Variants in CNTN6 observed in about 807,000 individuals in gnomAD.
CNTN6 encodes contactin 6.
A neutral mutation model predicts 122.8 loss-of-function variants in CNTN6; 137 were observed. The ratio of observed to expected loss-of-function variants is 1.12; its 90% CI spans 0.97 to 1.29. The LOEUF (loss-of-function observed/expected upper bound fraction) is 1.29. Among genes scored for constraint, CNTN6 ranks in the 50% most tolerant of loss-of-function variants. The probability of loss-of-function intolerance (pLI) is 0.00; values close to 1 mark genes in which losing one functional copy is unlikely to be tolerated. For synonymous variants in CNTN6, 570 were observed against 426.0 expected (o/e 1.34, Z -4.16); for missense variants, 1,634 against 1,223.4 (o/e 1.34, Z -5.01).
At chr3:1,377,552 A>G (rs11709136) in intron 17 of CNTN6, among the ~76,000 whole-genome samples, 1,861 of 152,296 alleles carry the variant, frequency 0.012, 18 homozygotes, top group Non-Finnish European at 0.021. Context: ...CCATTAACAT[A>G]CAGGCTCATT....
At chr3:1,375,478 T>A (rs1292727957) in intron 16 of CNTN6, among the ~76,000 whole-genome samples, 1 of 152,104 alleles carries the variant, frequency 6.6e-6, no homozygotes, top group East Asian at 1.9e-4. Context: ...TAAGTACAAT[T>A]AATTTAAAAT....
At chr3:1,262,827 T>C (rs1011804879) in intron 4 of CNTN6, among the ~76,000 whole-genome samples, 1 of 152,042 alleles carries the variant, frequency 6.6e-6, no homozygotes, top group Non-Finnish European at 1.5e-5. Flanking sequence ...TACTGTACAA[T>C]ATGCTTGTAT....
chr3:1,354,167 C>A (rs1329709341), intron 12 of CNTN6, among the ~76,000 whole-genome samples: 2 of 151,310 alleles, frequency 1.3e-5, no homozygotes, highest in Non-Finnish European at 3.0e-5. Context: ...ACTCGGAAGC[C>A]ACTGGACTGC....
chr3:1,373,747 C>A lies in CNTN6; in HGVS notation c.1930C>A (p.Gln644Lys), dbSNP rs748448232. ...QTRTPFSVGW[Q>K]AVATVPEILN... ...TCGGACACCATTTTCTGTGGGTTGG[C>A]AGGCTGTTGCTACAGGTGAGTGACA... The change falls in exon 15 of 23, where the codon CAG (glutamine) becomes AAG (lysine). Residue 644 changes from glutamine (Q) to lysine (K), a missense_variant. By Grantham distance (53) the Gln-to-Lys change is moderately conservative (BLOSUM62 1). Transcript: ENST00000446702. 16 of 1,608,454 alleles carry A rather than the reference C, an allele frequency of 9.9e-6. No homozygotes were observed. The highest frequency in any genetic ancestry group is 2.2e-5 in the South Asian group (2 of 89,984).
chr3:1,221,028 T>C (rs1159342247), intron 3 of CNTN6, among the ~76,000 whole-genome samples: 2 of 152,122 alleles, frequency 1.3e-5, no homozygotes, highest in Non-Finnish European at 2.9e-5. Context: ...CAGGCAATAA[T>C]TAACCCCCTA....
chr3:1,377,801 G>T (rs921719032), intron 17 of CNTN6, among the ~76,000 whole-genome samples: 6 of 152,164 alleles, frequency 3.9e-5, no homozygotes, highest in African/African-American at 1.4e-4. Flanking sequence ...GCTGTAGAAG[G>T]TTGGTGTTGG....
intron 4 of CNTN6, among the ~76,000 whole-genome samples, chr3:1,247,763 G>T (rs866309598): frequency 6.6e-6 from 1 of 152,210 alleles, no homozygotes; most frequent in Middle Eastern, 3.4e-3. Flanking sequence ...TGCAATGCTG[G>T]CTTTTTTATG....
chr3:1,106,703 T>C lies in CNTN6; in HGVS notation c.-83+13583T>C, dbSNP rs183099150. On this transcript the variant is annotated intron_variant, in intron 1 of 22. Transcript: ENST00000446702. ...CTTGACTGTTACTTTTATATCAGGT[T>C]ATAAGTAATGTTGGCTAGACGTCTA... Among the ~76,000 whole-genome samples, 3 of 152,270 alleles carry C rather than the reference T, an allele frequency of 2.0e-5. No homozygotes were observed. The East Asian group carries it at 5.8e-4, about 29-fold the overall frequency.
chr3:1,350,079 TGTA>T (rs1174774647), intron 11 of CNTN6, among the ~76,000 whole-genome samples: 2 of 151,910 alleles, frequency 1.3e-5, no homozygotes, highest in Non-Finnish European at 2.9e-5. Context: ...ATAAGTAAGA[TGTA>T]GTCTTACTTT....
At chr3:1,288,931 T>C (rs1694813559) in intron 5 of CNTN6, among the ~76,000 whole-genome samples, 1 of 152,110 alleles carries the variant, frequency 6.6e-6, no homozygotes, top group Non-Finnish European at 1.5e-5. Context: ...ATAATAAAAT[T>C]GTAGAGGACG....
At chr3:1,376,603 G>T (rs115323504) in intron 16 of CNTN6, among the ~76,000 whole-genome samples, 174 of 151,552 alleles carry the variant, frequency 1.1e-3, no homozygotes, top group African/African-American at 4.0e-3. Context: ...GGAAAAATTA[G>T]TTTAGTTTGT....
chr3:1,373,106 G>A (rs921749507), intron 14 of CNTN6, 151 bp downstream of exon 14: 4 of 555,000 alleles, frequency 7.2e-6, no homozygotes, highest in African/African-American at 3.9e-5. Flanking sequence ...GGACTCCATG[G>A]TATGGGTAGT....
At chr3:1,186,879 A>G (rs1192493177) in intron 2 of CNTN6, among the ~76,000 whole-genome samples, 1 of 151,866 alleles carries the variant, frequency 6.6e-6, no homozygotes, top group Non-Finnish European at 1.5e-5. Flanking sequence ...TGCCCTTGAC[A>G]GTATGATTCC....
intron 4 of CNTN6, among the ~76,000 whole-genome samples, chr3:1,273,073 A>T (rs1415833294): frequency 5.9e-5 from 9 of 152,086 alleles, no homozygotes; most frequent in Non-Finnish European, 1.0e-4. Context: ...ATTTTTGCTT[A>T]TACTCCTGCC....
chr3:1,373,750 G>T lies in CNTN6; in HGVS notation c.1933G>T (p.Ala645Ser). 6.2e-7 allele frequency: 1 copy of T among 1,608,396 alleles called. No individual in the cohort carries two copies. The change falls in exon 15 of 23, where the codon GCT becomes TCT. Residue 645 changes from alanine to serine, a missense_variant. Coordinates refer to ENST00000446702, the MANE Select transcript of CNTN6 (RefSeq NM_001289080.2). ...TRTPFSVGWQ[A>S]VATVPEILNG... Reference sequence around the variant, plus strand: ...GACACCATTTTCTGTGGGTTGGCAGGCTGTTGCTACAGGTGAGTGACAAAA... The same window carrying T: ...GACACCATTTTCTGTGGGTTGGCAGTCTGTTGCTACAGGTGAGTGACAAAA...
At chr3:1,398,866 C>G (rs1695305492) in intron 20 of CNTN6, among the ~76,000 whole-genome samples, 1 of 152,084 alleles carries the variant, frequency 6.6e-6, no homozygotes, top group South Asian at 2.1e-4. Context: ...TACCAAGGTA[C>G]TCACTCCGAA....
At chr3:1,143,898 G>A (rs1188056852) in intron 1 of CNTN6, among the ~76,000 whole-genome samples, 1 of 152,152 alleles carries the variant, frequency 6.6e-6, no homozygotes, top group African/African-American at 2.4e-5. Context: ...GTGACTTCTA[G>A]GTCAAACCCT....
chr3:1,125,068 G>A (rs954683137), intron 1 of CNTN6, among the ~76,000 whole-genome samples: 1 of 151,834 alleles, frequency 6.6e-6, no homozygotes, highest in Non-Finnish European at 1.5e-5. Context: ...AAATTTTTCT[G>A]TATCTGGAAC....
intron 4 of CNTN6, among the ~76,000 whole-genome samples, chr3:1,254,340 C>T (rs1363235800): frequency 1.3e-5 from 2 of 152,078 alleles, no homozygotes; most frequent in Admixed American, 6.6e-5. Context: ...ACTCTACATT[C>T]AGTTTTTGAA....
Sources: allele counts gnomAD v4.1 joint callset (sites outside exome capture counted in the v4.1 genomes callset), GRCh38; gene constraint gnomAD v4.1.1; transcripts MANE v1.5; gene names NCBI Gene and HGNC (gene_info 2026-07-23, HGNC 2026-07-21).